The following AUTS2 variants were observed in gnomAD, a reference collection of about 807,000 sequenced individuals.
AUTS2 encodes the protein activator of transcription and developmental regulator AUTS2.
AUTS2 carries 17 observed loss-of-function variants against 112.4 expected under a neutral mutation model. That is an observed-to-expected ratio of 0.15 (90% CI 0.10 to 0.23). The LOEUF (loss-of-function observed/expected upper bound fraction) is 0.23. Ranked by LOEUF, AUTS2 falls within the 10% of genes least tolerant of loss-of-function variation. The pLI, the probability that AUTS2 is intolerant of heterozygous loss-of-function variation, is 1.00. For synonymous variants in AUTS2, 751 were observed against 702.7 expected, an observed-to-expected ratio of 1.07 and a Z score of -1.09; for missense variants, 1,510 against 1,701.6, an observed-to-expected ratio of 0.89 and a Z score of 1.98.
intron 1 of AUTS2, among the ~76,000 whole-genome samples, chr7:69,732,091 G>A (rs906562860): frequency 1.3e-5 from 2 of 152,028 alleles, no homozygotes; most frequent in Non-Finnish European, 2.9e-5. Flanking sequence ...ATAGAGCCAA[G>A]TCTTAACTTT....
chr7:69,616,066 T>G (rs1310455302), intron 1 of AUTS2, among the ~76,000 whole-genome samples: 2 of 152,234 alleles, frequency 1.3e-5, no homozygotes, highest in South Asian at 4.1e-4. Context: ...CCTGCAATTG[T>G]GAGAAGGTCC....
intron 5 of AUTS2, among the ~76,000 whole-genome samples, chr7:70,462,912 T>C (rs1797025078): frequency 6.6e-6 from 1 of 151,782 alleles, no homozygotes; most frequent in African/African-American, 2.4e-5. Flanking sequence ...GACCCGAGAT[T>C]GCGCCACTGC....
chr7:70,308,513 A>C (rs1019007305), intron 4 of AUTS2, among the ~76,000 whole-genome samples: 4 of 152,236 alleles, frequency 2.6e-5, no homozygotes, highest in Admixed American at 2.0e-4. Flanking sequence ...GTGCGGCTGA[A>C]GTTAACTCAT....
chr7:69,907,061 C>G (rs1237233738), intron 2 of AUTS2, among the ~76,000 whole-genome samples: 1 of 152,148 alleles, frequency 6.6e-6, no homozygotes, highest in Non-Finnish European at 1.5e-5. Flanking sequence ...GAGCCATGTT[C>G]ACGCAACTGC....
chr7:70,485,817 C>T (rs959290101), intron 5 of AUTS2, among the ~76,000 whole-genome samples: 26 of 151,918 alleles, frequency 1.7e-4, no homozygotes, highest in African/African-American at 4.6e-4. Context: ...TTCCATCCAG[C>T]GAGGGTGCTG....
At chr7:70,412,972 A>C (rs555865740) in intron 4 of AUTS2, among the ~76,000 whole-genome samples, 1 of 152,360 alleles carries the variant, frequency 6.6e-6, no homozygotes, top group African/African-American at 2.4e-5. Context: ...TCTGGGCGAC[A>C]GAGTGAGACT....
At chr7:69,647,252 CAAG>C (rs1390802499) in intron 1 of AUTS2, among the ~76,000 whole-genome samples, 10 of 151,986 alleles carry the variant, frequency 6.6e-5, no homozygotes, top group Admixed American at 5.9e-4. Context: ...ATCTCCAAAA[CAAG>C]AAGGTTATTC....
chr7:70,777,048 G>A, intron 13 of AUTS2, 55 bp from the exon 14 acceptor site: 2 of 1,546,590 alleles, frequency 1.3e-6, no homozygotes, highest in Non-Finnish European at 1.8e-6. Flanking sequence ...GGAAATTGAA[G>A]GTGGTTTTCT....
chr7:69,997,656 T>A (rs1314566657), intron 2 of AUTS2, among the ~76,000 whole-genome samples: 2 of 152,092 alleles, frequency 1.3e-5, no homozygotes, highest in Non-Finnish European at 2.9e-5. Flanking sequence ...GCAAGAGAGA[T>A]GCCAGGCTCT....
chr7:69,811,026 A>G (rs1218608945), intron 1 of AUTS2, among the ~76,000 whole-genome samples: 1 of 152,294 alleles, frequency 6.6e-6, no homozygotes, highest in Admixed American at 6.5e-5. Context: ...GAATGCTGCC[A>G]GTGTCTCTAA....
In AUTS2 at chr7:70,435,618, C is replaced by T. The variant is rs1257352229; in HGVS notation, c.661-134C>T. On this transcript the variant is annotated intron_variant, in intron 4 of 18. Coordinates refer to ENST00000342771, the MANE Select transcript of AUTS2 (RefSeq NM_015570.4). ...CTTGAACTGGAGAAACTCTTTCTTT[C>T]CAGGAAGACAGCATTTTTTATTTCC... is the stretch of plus-strand genomic sequence containing the variant. 1.9e-4 allele frequency: 164 copies of T among 859,548 alleles called. No homozygotes were observed. The East Asian group carries it at 4.1e-3, about 22-fold the overall frequency. The allele number at this position is 859,548 out of a possible 1,614,324, so 53.2% of individuals were successfully genotyped here.
At chr7:70,118,368 T>C in intron 3 of AUTS2, 135 bp downstream of exon 3, 1 of 1,083,008 alleles carries the variant, frequency 9.2e-7, no homozygotes, top group Non-Finnish European at 1.3e-6. Flanking sequence ...AGCATTGCGG[T>C]TCACATTATC....
intron 2 of AUTS2, among the ~76,000 whole-genome samples, chr7:70,086,325 A>AT (rs2129566267): frequency 6.6e-6 from 1 of 152,170 alleles, no homozygotes; most frequent in South Asian, 2.1e-4. Flanking sequence ...ATTTCTTTAG[A>AT]TTTTCTTTAA....
At chr7:70,611,812 T>TA (rs1191437280) in intron 5 of AUTS2, among the ~76,000 whole-genome samples, 22 of 152,194 alleles carry the variant, frequency 1.4e-4, no homozygotes, top group Non-Finnish European at 2.4e-4. Flanking sequence ...AAATGCCACT[T>TA]ACAGCCTTGT....
At chr7:70,135,910 T>C (rs1562728338) in intron 4 of AUTS2, among the ~76,000 whole-genome samples, 1 of 152,116 alleles carries the variant, frequency 6.6e-6, no homozygotes, top group South Asian at 2.1e-4. Flanking sequence ...CGATATCTAT[T>C]CTCCATCCAA....
intron 2 of AUTS2, among the ~76,000 whole-genome samples, chr7:70,097,606 CATA>C (rs1804271425): frequency 6.6e-6 from 1 of 152,198 alleles, no homozygotes; most frequent in African/African-American, 2.4e-5. Flanking sequence ...TAGTAAATGG[CATA>C]ATATCTTATT....
chr7:69,914,396 A>ACACACACAC (rs1554403946), intron 2 of AUTS2, among the ~76,000 whole-genome samples: 1 of 108,664 alleles, frequency 9.2e-6, no homozygotes, highest in African/African-American at 3.9e-5. Context: ...CACACACACA[A>ACACACACAC]ACAATCCAGA....
intron 2 of AUTS2, among the ~76,000 whole-genome samples, chr7:69,995,157 A>G (rs184859940): frequency 6.6e-6 from 1 of 152,270 alleles, no homozygotes; most frequent in East Asian, 1.9e-4. Context: ...TTCTCAAGAG[A>G]GCAAACAAGC....
Position 70,790,951 on chromosome 7 carries a change from G to A in AUTS2, c.3735G>A (p.Arg1245=). The A allele has an allele frequency of 6.6e-7, 1 of 1,514,760 alleles. No individual in the cohort carries two copies. The highest frequency in any genetic ancestry group is 1.3e-5 in the South Asian group (1 of 74,990). The allele number at this position is 1,514,760 out of a possible 1,614,324, so 93.8% of individuals were successfully genotyped here. The change falls in exon 19 of 19, where the codon AGG becomes AGA. Residue 1245 remains arginine (R), a synonymous_variant. Transcript: ENST00000342771. This position sits in a 1 kb window ranked among gnomAD's most constrained non-coding sequence, Gnocchi z 7.6. The part of the protein sequence containing the change: ...RRTTPLSAEI[R]ERPPSHTLKD... ...CGACTCCTCTGTCCGCAGAGATAAG[G>A]GAGAGGCCCCCTTCCCACACGCTGA...
Sources: gnomAD v4.1 joint callset for allele counts (sites outside exome capture counted in the v4.1 genomes callset) on GRCh38, gnomAD v4.1.1 for gene constraint, Gnocchi (gnomAD v3.1) non-coding constraint, MANE v1.5 for transcripts, NCBI Gene and HGNC (gene_info 2026-07-23, HGNC 2026-07-21) for gene names.